The following AFF2 variants were observed in gnomAD, a reference collection of about 807,000 sequenced individuals.
The protein encoded by AFF2 is AF4/FMR2 family member 2.
Under a neutral mutation model 76.9 loss-of-function variants are expected in AFF2, and 14 were observed. The ratio of observed to expected loss-of-function variants is 0.18; its 90% CI spans 0.12 to 0.28. AFF2 has a LOEUF of 0.28. AFF2 is among the 10% of genes least tolerant of loss of function. The probability of loss-of-function intolerance (pLI) is 1.00; values close to 1 mark genes in which losing one functional copy is unlikely to be tolerated. For synonymous variants in AFF2, 398 were observed against 366.7 expected (o/e 1.09, Z -0.98); for missense variants, 868 against 1,001.1 (o/e 0.87, Z 1.79).
intron 1 of AFF2, among the ~76,000 whole-genome samples, chrX:148,629,711 C>T (rs1048564336): frequency 4.5e-5 from 5 of 111,694 alleles, no homozygotes; most frequent in African/African-American, 6.5e-5. Context: ...CATGCTTCCT[C>T]GGTGAGTCTG....
At chrX:148,777,012 C>T (rs2069676299) in intron 3 of AFF2, among the ~76,000 whole-genome samples, 1 of 111,884 alleles carries the variant, frequency 8.9e-6, no homozygotes, top group Non-Finnish European at 1.9e-5. Flanking sequence ...ATCTTTAATC[C>T]ATCTTGAGTT....
chrX:148,987,389 C>T lies in AFF2; in HGVS notation c.3646C>T (p.Leu1216Phe), dbSNP rs782762262. Residue 1216 changes from leucine to phenylalanine, a missense_variant, in exon 20 of 21, where the codon CTC becomes TTC. Physicochemically the swap from Leu to Phe is conservative, Grantham distance 22. Around this residue, in one of 6 missense-constraint regions of AFF2, gnomAD observed 46 missense variants for 40.8 expected, o/e 1.13. Transcript: ENST00000370460. ...CAGGAACACTCCATCCCCAGTGTCTCTCAACAACGTCTCCCCCATCAACGC... is the reference window on the plus strand; with the variant it reads ...CAGGAACACTCCATCCCCAGTGTCTTTCAACAACGTCTCCCCCATCAACGC... ...NGKNTPSPVS[L>F]NNVSPINAMG... 3.3e-6 allele frequency: 4 copies of T among 1,210,353 alleles called. No homozygotes were observed. The East Asian group carries it at 1.2e-4, about 36-fold the overall frequency.
chrX:148,677,837 G>C (rs918540231), intron 3 of AFF2, among the ~76,000 whole-genome samples: 5 of 111,681 alleles, frequency 4.5e-5, no homozygotes, highest in Non-Finnish European at 1.9e-5. Context: ...GTTGGTGTAG[G>C]GTTGTTCTGA....
intron 3 of AFF2, among the ~76,000 whole-genome samples, chrX:148,743,162 T>C (rs1557265828): frequency 8.9e-6 from 1 of 112,104 alleles, no homozygotes. Flanking sequence ...GTTTTTGTGA[T>C]ACTATTTTCT....
Position 148,862,744 on chromosome X carries a change from A to T in AFF2, c.1262+19311A>T, listed in dbSNP as rs1266979049. On this transcript the variant is annotated intron_variant, in intron 7 of 20. Coordinates refer to ENST00000370460, the MANE Select transcript of AFF2 (RefSeq NM_002025.4). ...AAAGCAAATACGTTTCTGTGTGCAC[A>T]GTACTTCATTTAATTATCATTTTAA... Among the ~76,000 whole-genome samples, 9 of 112,564 alleles carry T rather than the reference A, an allele frequency of 8.0e-5. No homozygotes were observed. In the Admixed American group the frequency reaches 8.5e-4, roughly 11 times the overall value.
At chrX:148,580,850 T>C (rs1321775793) in intron 1 of AFF2, among the ~76,000 whole-genome samples, 1 of 108,051 alleles carries the variant, frequency 9.3e-6, no homozygotes, top group Non-Finnish European at 1.9e-5. Flanking sequence ...TTTATACTAT[T>C]ATTACAGCTC....
At chrX:148,887,877 A>G (rs1182556856) in intron 8 of AFF2, among the ~76,000 whole-genome samples, 1 of 112,201 alleles carries the variant, frequency 8.9e-6, no homozygotes, top group African/African-American at 3.2e-5. Flanking sequence ...TAGAGTTTGA[A>G]GATGAGTTAC....
rs182933751 is a variant in AFF2 at position 148,923,656 on chromosome X, C to T, written c.1397+19398C>T. On this transcript the variant is annotated intron_variant, in intron 9 of 20. Transcript: ENST00000370460. The stretch of plus-strand genomic sequence containing the variant: ...ATATTAGCAGAGTTGAACTGGGTCC[C>T]ACAGATACAGCACAGAGAATAGAAA... Among the ~76,000 whole-genome samples, 7 of 111,178 alleles carry T rather than the reference C, an allele frequency of 6.3e-5. No individual in the cohort carries two copies. The East Asian group carries it at 8.4e-4, about 13-fold the overall frequency.
At chrX:148,619,397 A>T (rs142641862) in intron 1 of AFF2, among the ~76,000 whole-genome samples, 70 of 112,161 alleles carry the variant, frequency 6.2e-4, no homozygotes, top group African/African-American at 2.2e-3. Context: ...TTGCATTATA[A>T]AAATGAAATC....
At chrX:148,719,026 G>T (rs2055059312) in intron 3 of AFF2, 1 of 988,717 alleles carries the variant, frequency 1.0e-6, no homozygotes, top group Non-Finnish European at 1.3e-6. Context: ...CTTATTTATT[G>T]TGACCTAGAA....
Position 148,978,016 on chromosome X carries a change from G to A in AFF2, c.3476+12G>A. The A allele has an allele frequency of 4.3e-6, 5 of 1,169,993 alleles. No individual in the cohort carries two copies. Among genetic ancestry groups the A allele is most frequent in the Non-Finnish European group, 5.8e-6 (5 of 858,137 alleles). ...CTAGCAGTACTATGGTGAGTCCCATGGAGGCCACAAGGAAATTGCTGAAAT... is the reference window on the plus strand; with the variant it reads ...CTAGCAGTACTATGGTGAGTCCCATAGAGGCCACAAGGAAATTGCTGAAAT... On this transcript the variant is annotated intron_variant, in intron 17 of 20. Coordinates refer to ENST00000370460, the MANE Select transcript of AFF2 (RefSeq NM_002025.4).
chrX:148,632,615 T>C (rs1296123010), intron 1 of AFF2, among the ~76,000 whole-genome samples: 1 of 112,132 alleles, frequency 8.9e-6, no homozygotes, highest in Non-Finnish European at 1.9e-5. Flanking sequence ...GAAAGCTGGC[T>C]TGTACATGAC....
rs1204077085 is a variant in AFF2 at position 148,995,699 on chromosome X, G to A, written c.*4367G>A. Reference sequence around the variant, plus strand: ...TAACTGTGCAGTGTAGACTAATGGTGTTTAATAAAAATCATTCAAAATTTC... The same window carrying A: ...TAACTGTGCAGTGTAGACTAATGGTATTTAATAAAAATCATTCAAAATTTC... On this transcript the variant is annotated 3_prime_UTR_variant, in exon 21 of 21. Transcript: ENST00000370460. 1 of 113,142 alleles carries A rather than the reference G, an allele frequency of 8.8e-6. No individual in the cohort carries two copies. The highest frequency in any genetic ancestry group is 1.9e-5 in the Non-Finnish European group (1 of 53,363). The allele number at this position is 113,142 out of a possible 1,213,427, so 9.3% of individuals were successfully genotyped here. A position where few individuals can be genotyped will look rare whatever the true frequency, so the allele number is the denominator to read the frequency against.
At chrX:148,547,384 GA>G (rs1797600518) in intron 1 of AFF2, 1 of 111,962 alleles carries the variant, frequency 8.9e-6, no homozygotes, top group African/African-American at 3.3e-5. Flanking sequence ...GAGAAACACG[GA>G]AACAAACAAA....
At chrX:148,673,494 T>C (rs1445568477) in intron 3 of AFF2, among the ~76,000 whole-genome samples, 1 of 111,816 alleles carries the variant, frequency 8.9e-6, no homozygotes, top group African/African-American at 3.3e-5. Context: ...GTCCTCTTCT[T>C]CTAAGGACAT....
intron 4 of AFF2, among the ~76,000 whole-genome samples, chrX:148,829,063 C>G (rs2070421866): frequency 8.9e-6 from 1 of 112,421 alleles, no homozygotes; most frequent in Non-Finnish European, 1.9e-5. Context: ...TCCAGATTCC[C>G]TTAAACAACT....
intron 1 of AFF2, among the ~76,000 whole-genome samples, chrX:148,595,975 G>A (rs1258945836): frequency 8.9e-6 from 1 of 111,979 alleles, no homozygotes; most frequent in Non-Finnish European, 1.9e-5. Flanking sequence ...TAATCTAGGG[G>A]TGCAGTGGCA....
rs893769819 is a variant in AFF2, at chrX:148,997,584, C to A, written c.*6252C>A. The A allele has an allele frequency of 8.9e-5, 10 of 112,344 alleles. No individual in the cohort carries two copies. The highest frequency in any genetic ancestry group is 3.2e-5 in the African/African-American group (1 of 30,889). The allele number at this position is 112,344 out of a possible 1,213,427, so 9.3% of individuals were successfully genotyped here. ...CTCTTTCTGGCCCTTCTGTCTTTTG[C>A]CTCTGCAATTCTTTTTGTAGCTGGC... On this transcript the variant is annotated 3_prime_UTR_variant, in exon 21 of 21. Coordinates refer to ENST00000370460, the MANE Select transcript of AFF2 (RefSeq NM_002025.4).
rs1341384078 is a variant in AFF2, at chrX:148,977,974, C to T, written c.3446C>T (p.Ser1149Leu). 8.3e-7 allele frequency: 1 copy of T among 1,204,444 alleles called. No homozygotes were observed. Among genetic ancestry groups the T allele is most frequent in the Non-Finnish European group, 1.1e-6 (1 of 890,219 alleles). The change falls in exon 17 of 21, where the codon TCG becomes TTG. Residue 1149 changes from serine to leucine, a missense_variant. Transcript: ENST00000370460. Reference protein sequence around the residue: ...RLKNFASPLASDGDKKLAVLC... With the variant: ...RLKNFASPLALDGDKKLAVLC... ...AAGAACTTTGCAAGTCCCTTGGCTT[C>T]GGATGGGGACAAAAAGCTAGCAGTA...
Sources: gnomAD v4.1 joint callset for allele counts (sites outside exome capture counted in the v4.1 genomes callset) on GRCh38, gnomAD v4.1.1 for gene constraint, gnomAD v4.1.1 regional missense constraint, MANE v1.5 for transcripts, NCBI Gene and HGNC (gene_info 2026-07-23, HGNC 2026-07-21) for gene names.